The following MECOM variants were observed in gnomAD, a reference collection of about 807,000 sequenced individuals.
MECOM encodes the protein histone-lysine N-methyltransferase MECOM.
A neutral mutation model predicts 116.3 loss-of-function variants in MECOM; 13 were observed. That is an observed-to-expected ratio of 0.11 (90% CI 0.07 to 0.18). MECOM has a LOEUF of 0.18. MECOM is among the 10% of genes least tolerant of loss of function. The pLI, the probability that MECOM is intolerant of heterozygous loss-of-function variation, is 1.00. For missense variants in MECOM, 1,299 were observed against 1,509.0 expected, an observed-to-expected ratio of 0.86 and a Z score of 2.31; for synonymous variants, 528 against 535.2, an observed-to-expected ratio of 0.99 and a Z score of 0.19.
At chr3:169,396,769 G>A (rs6764330) in intron 1 of MECOM, among the ~76,000 whole-genome samples, 182 of 152,210 alleles carry the variant, frequency 1.2e-3, no homozygotes, top group African/African-American at 3.9e-3. Context: ...TCTGGAGTTC[G>A]AGACCAGTGT....
intron 1 of MECOM, among the ~76,000 whole-genome samples, chr3:169,432,987 T>C (rs767124322): frequency 2.8e-4 from 42 of 152,352 alleles, no homozygotes; most frequent in Non-Finnish European, 5.3e-4. Context: ...CCTTGCTGTC[T>C]GCACTTGCCC....
chr3:169,183,004 G>A (rs557495614), intron 2 of MECOM, among the ~76,000 whole-genome samples: 60 of 152,244 alleles, frequency 3.9e-4, no homozygotes, highest in Admixed American at 9.2e-4. Context: ...TCTTAGGTAC[G>A]AGGCTTTGTG....
chr3:169,297,758 A>G (rs1223544723), intron 2 of MECOM, among the ~76,000 whole-genome samples: 1 of 152,246 alleles, frequency 6.6e-6, no homozygotes, highest in African/African-American at 2.4e-5. Flanking sequence ...AGAGAGCCAC[A>G]AGACTCTTGT....
chr3:169,491,927 T>C (rs183573982), intron 1 of MECOM, among the ~76,000 whole-genome samples: 1 of 152,380 alleles, frequency 6.6e-6, no homozygotes, highest in Admixed American at 6.5e-5. Flanking sequence ...TTCATCTATT[T>C]TTGCTATATT....
chr3:169,121,018 C>T (rs753851596), intron 7 of MECOM, 38 bp downstream of exon 7: 22 of 1,564,020 alleles, frequency 1.4e-5, no homozygotes, highest in Middle Eastern at 1.8e-4. Context: ...GGGGAAGAGA[C>T]AGATGTGGGA....
At chr3:169,472,286 CAAT>C (rs1346493300) in intron 1 of MECOM, among the ~76,000 whole-genome samples, 2 of 144,322 alleles carry the variant, frequency 1.4e-5, no homozygotes, top group Non-Finnish European at 1.5e-5. Flanking sequence ...AAAAAAAAAA[CAAT>C]AATAATAATA....
At chr3:169,607,981 T>C (rs1325294210) in intron 1 of MECOM, among the ~76,000 whole-genome samples, 1 of 152,174 alleles carries the variant, frequency 6.6e-6, no homozygotes, top group African/African-American at 2.4e-5. Flanking sequence ...TCAGTTAAAC[T>C]CCCCTTGTCA....
intron 2 of MECOM, among the ~76,000 whole-genome samples, chr3:169,263,522 A>ACT (rs763424622): frequency 1.4e-5 from 2 of 141,130 alleles, no homozygotes; most frequent in African/African-American, 5.6e-5. Flanking sequence ...GAGCACTTGC[A>ACT]CACACACACA....
intron 1 of MECOM, chr3:169,484,197 T>G: frequency 1.7e-6 from 1 of 601,162 alleles, no homozygotes; most frequent in Non-Finnish European, 2.9e-6. Flanking sequence ...CACTTATTGA[T>G]GAGCTTTGTA....
intron 1 of MECOM, among the ~76,000 whole-genome samples, chr3:169,547,822 C>A (rs1760913665): frequency 6.6e-6 from 1 of 152,000 alleles, no homozygotes; most frequent in Non-Finnish European, 1.5e-5. Flanking sequence ...CATGAGAAGG[C>A]AGAGGCAGAG....
Position 169,659,337 on chromosome 3 carries a change from GC to G in MECOM, c.37+3998del, listed in dbSNP as rs2110123830. On this transcript the variant is annotated intron_variant, in intron 1 of 16. Transcript: ENST00000651503. The stretch of plus-strand genomic sequence containing the variant: ...CCCTACAAATAAAAAAAGAAGCCTT[GC>G]TTTTTAGCCTTTCTGCCTCTACAGC... 2.0e-5 allele frequency among the ~76,000 whole-genome samples: 3 copies of G among 148,246 alleles called. 1 individual carries two copies. In the South Asian group the frequency reaches 6.4e-4, roughly 32 times the overall value.
chr3:169,482,320 C>A (rs975633793), intron 1 of MECOM, among the ~76,000 whole-genome samples: 2 of 144,050 alleles, frequency 1.4e-5, no homozygotes, highest in African/African-American at 5.3e-5. Context: ...GGGAGCTTAA[C>A]CCACGTTCTT....
intron 2 of MECOM, among the ~76,000 whole-genome samples, chr3:169,181,796 C>A (rs564304755): frequency 6.6e-6 from 1 of 152,250 alleles, no homozygotes; most frequent in South Asian, 2.1e-4. Flanking sequence ...TGAGGAAAAG[C>A]AGGATTATGG....
At chr3:169,150,961 A>G (rs1741092053) in intron 2 of MECOM, among the ~76,000 whole-genome samples, 1 of 152,158 alleles carries the variant, frequency 6.6e-6, no homozygotes, top group South Asian at 2.1e-4. Flanking sequence ...AAAAGCCCAA[A>G]GATTTCCAAT....
At chr3:169,385,336 A>G (rs1191866041) in intron 1 of MECOM, among the ~76,000 whole-genome samples, 2 of 152,198 alleles carry the variant, frequency 1.3e-5, no homozygotes, top group South Asian at 2.1e-4. Flanking sequence ...ACAAAAATGT[A>G]CAATTAAACC....
intron 12 of MECOM, 112 bp downstream of exon 12, chr3:169,100,773 G>T: frequency 2.1e-6 from 1 of 485,122 alleles, no homozygotes; most frequent in Non-Finnish European, 2.9e-6. Flanking sequence ...ATTCAGACAC[G>T]CATAAAATTT....
At chr3:169,159,182 G>A (rs1291757602) in intron 2 of MECOM, among the ~76,000 whole-genome samples, 1 of 152,204 alleles carries the variant, frequency 6.6e-6, no homozygotes, top group Non-Finnish European at 1.5e-5. Flanking sequence ...ATAGCCTTCT[G>A]ATGTTACACC....
At chr3:169,285,973 T>G (rs1036101687) in intron 2 of MECOM, among the ~76,000 whole-genome samples, 2 of 152,214 alleles carry the variant, frequency 1.3e-5, no homozygotes, top group Non-Finnish European at 2.9e-5. Context: ...TGGCAAGCAT[T>G]TGAAAAAGCC....
At chr3:169,451,427 T>C (rs1305839880) in intron 1 of MECOM, among the ~76,000 whole-genome samples, 2 of 152,228 alleles carry the variant, frequency 1.3e-5, no homozygotes, top group Non-Finnish European at 2.9e-5. Flanking sequence ...TTCCAGTGGT[T>C]ATAAAGAGAA....
Sources: gnomAD v4.1 joint callset for allele counts (sites outside exome capture counted in the v4.1 genomes callset) on GRCh38, gnomAD v4.1.1 for gene constraint, MANE v1.5 for transcripts, NCBI Gene and HGNC (gene_info 2026-07-23, HGNC 2026-07-21) for gene names.